SRPK1: variants seen among roughly 807,000 people sequenced by gnomAD.
SRPK1 encodes SRSF protein kinase 1.
A neutral mutation model predicts 89.5 loss-of-function variants in SRPK1; 52 were observed. The ratio of observed to expected loss-of-function variants is 0.58; its 90% CI spans 0.46 to 0.73. SRPK1 has a LOEUF of 0.73. SRPK1 is among the 30% of genes least tolerant of loss of function. SRPK1 has a pLI of 0.00. For missense variants in SRPK1, 603 were observed against 780.6 expected (o/e 0.77, Z 2.71); for synonymous variants, 255 against 270.2 (o/e 0.94, Z 0.55).
chr6:35,887,142 C>T (rs1770426565), intron 5 of SRPK1, among the ~76,000 whole-genome samples: 1 of 152,158 alleles, frequency 6.6e-6, no homozygotes, highest in Non-Finnish European at 1.5e-5. Flanking sequence ...CAGCACTAAC[C>T]ACACTGTTTT....
intron 13 of SRPK1, among the ~76,000 whole-genome samples, chr6:35,843,204 G>A (rs1474353190): frequency 3.3e-5 from 5 of 151,484 alleles, no homozygotes; most frequent in South Asian, 2.1e-4. Flanking sequence ...TCCTGACCTC[G>A]TGATCTGCCA....
At chr6:35,855,928 T>C (rs943991434) in intron 13 of SRPK1, among the ~76,000 whole-genome samples, 8 of 152,226 alleles carry the variant, frequency 5.3e-5, no homozygotes, top group African/African-American at 1.4e-4. Context: ...GGTTTCATCA[T>C]GTTGGTCAGG....
chr6:35,880,657 T>C (rs535996771), intron 6 of SRPK1, among the ~76,000 whole-genome samples: 8 of 140,460 alleles, frequency 5.7e-5, no homozygotes, highest in East Asian at 2.1e-4. Flanking sequence ...GGGAGGCAGA[T>C]TGCAGTGAGC....
At chr6:35,839,697 T>C (rs78175919) in intron 14 of SRPK1, among the ~76,000 whole-genome samples, 1 of 151,716 alleles carries the variant, frequency 6.6e-6, no homozygotes, top group African/African-American at 2.4e-5. Context: ...TTTTTTTTTT[T>C]TGAGATGGAG....
chr6:35,890,970 C>G lies in SRPK1; in HGVS notation c.118G>C (p.Asp40His), dbSNP rs960777128. 1 of 1,553,372 alleles carries G rather than the reference C, an allele frequency of 6.4e-7. No homozygotes were observed. Among genetic ancestry groups the G allele is most frequent in the African/African-American group, 1.4e-5 (1 of 73,222 alleles). Residue 40 changes from aspartate (D) to histidine (H), a missense_variant, in exon 3 of 16, where the codon GAT (aspartate) becomes CAT (histidine). Transcript: ENST00000373825. ...ATCTCCTCTTCCTGCTCTGGTAGATCACTCTCAGAGTGGGGAGCAGAGCCT... is the reference window on the plus strand; with the variant it reads ...ATCTCCTCTTCCTGCTCTGGTAGATGACTCTCAGAGTGGGGAGCAGAGCCT... ...HRGSAPHSES[D>H]LPEQEEEILG...
At chr6:35,906,246 A>G (rs1455842844) in intron 2 of SRPK1, among the ~76,000 whole-genome samples, 1 of 152,062 alleles carries the variant, frequency 6.6e-6, no homozygotes, top group Non-Finnish European at 1.5e-5. Context: ...TTTTTTTGAG[A>G]CAGAGTCTCA....
chr6:35,888,952 A>G lies in SRPK1; in HGVS notation c.194-29T>C, dbSNP rs748390003. 3.4e-6 allele frequency: 5 copies of G among 1,456,022 alleles called. No individual in the cohort carries two copies. In the Admixed American group the frequency reaches 8.4e-5, roughly 25 times the overall value. 90.2% of individuals were successfully genotyped at this position (1,456,022 alleles called of 1,614,324 possible). A position where few individuals can be genotyped will look rare whatever the true frequency, so the allele number is the denominator to read the frequency against. On this transcript the variant is annotated intron_variant, in intron 3 of 15. Transcript: ENST00000373825. ...GAAGAAACAGGGGAAATACAATCAG[A>G]AAAACCAGGATGAGAAACAATGGTA...
chr6:35,844,225 G>T (rs550973025), intron 13 of SRPK1, among the ~76,000 whole-genome samples: 2 of 151,114 alleles, frequency 1.3e-5, no homozygotes, highest in African/African-American at 4.9e-5. Flanking sequence ...GGATGGTCTC[G>T]ATCTCCTGAC....
intron 13 of SRPK1, among the ~76,000 whole-genome samples, chr6:35,852,124 A>G (rs1247236082): frequency 6.6e-6 from 1 of 152,204 alleles, no homozygotes; most frequent in South Asian, 2.1e-4. Flanking sequence ...TTAATTAACT[A>G]TAACTCCATC....
intron 12 of SRPK1, among the ~76,000 whole-genome samples, chr6:35,860,045 T>C (rs1239719611): frequency 6.6e-6 from 1 of 151,978 alleles, no homozygotes; most frequent in Non-Finnish European, 1.5e-5. Context: ...TTTGTATTTT[T>C]AGTAGAGACG....
intron 12 of SRPK1, among the ~76,000 whole-genome samples, chr6:35,865,383 A>G (rs993657470): frequency 9.2e-5 from 14 of 152,194 alleles, no homozygotes; most frequent in African/African-American, 3.4e-4. Context: ...AAAGCAATCT[A>G]CAGGTTCAAT....
rs184826005 is a variant in SRPK1, at chr6:35,846,676, T to C, written c.1621-4072A>G. Among the ~76,000 whole-genome samples the C allele has an allele frequency of 1.2e-4, 19 of 152,150 alleles. No individual in the cohort carries two copies. The East Asian group carries it at 2.1e-3, about 17-fold the overall frequency. ...CTATGCACAATCATATGGCAACAGATTGGATAACCCAGAAAAAAATGGAAA... is the reference window on the plus strand; with the variant it reads ...CTATGCACAATCATATGGCAACAGACTGGATAACCCAGAAAAAAATGGAAA... On this transcript the variant is annotated intron_variant, in intron 13 of 15. Coordinates refer to ENST00000373825, the MANE Select transcript of SRPK1 (RefSeq NM_003137.5).
At chr6:35,836,653 G>A (rs1769185044) in intron 15 of SRPK1, among the ~76,000 whole-genome samples, 1 of 151,946 alleles carries the variant, frequency 6.6e-6, no homozygotes, top group African/African-American at 2.4e-5. Flanking sequence ...TACTTGGGAG[G>A]TTGAGGCAGG....
At chr6:35,857,395 TA>T (rs781703276) in intron 12 of SRPK1, 27 bp from the exon 13 acceptor site, 30 of 1,522,702 alleles carry the variant, frequency 2.0e-5, no homozygotes, top group Non-Finnish European at 2.5e-5. Context: ...AACAATATTT[TA>T]AACTTCATTC....
chr6:35,870,494 C>G lies in SRPK1; in HGVS notation c.778G>C (p.Ala260Pro). 6.5e-7 allele frequency: 1 copy of G among 1,550,338 alleles called. No individual in the cohort carries two copies. The highest frequency in any genetic ancestry group is 8.7e-7 in the Non-Finnish European group (1 of 1,146,912). The change falls in exon 10 of 16, where the codon GCT becomes CCT. Residue 260 changes from alanine to proline, a missense_variant and splice_region_variant. Ala to Pro is a conservative substitution (Grantham distance 27). Transcript: ENST00000373825. ...AVSTAPQPKP[A>P]DKMSKNKKKK... ...TTCTTATTCTTTGACATTTTGTCAG[C>G]CTGGGCGGAGATTACAAACAGATAA...
In SRPK1 at chr6:35,883,050, G is replaced by A. The variant is rs185456156; in HGVS notation, c.478+3674C>T. On this transcript the variant is annotated intron_variant, in intron 6 of 15. Coordinates refer to ENST00000373825, the MANE Select transcript of SRPK1 (RefSeq NM_003137.5). ...TCTTGAACTCCTGACCTCGTGATCC[G>A]CCCGCTTTGGCCTCCCAAAGTGCTG... Among the ~76,000 whole-genome samples the A allele has an allele frequency of 1.7e-3, 256 of 152,252 alleles. 1 individual carries two copies. Among genetic ancestry groups the A allele is most frequent in the African/African-American group, 3.7e-3 (152 of 41,568 alleles).
chr6:35,886,474 T>C, intron 6 of SRPK1, among the ~76,000 whole-genome samples: 1 of 152,226 alleles, frequency 6.6e-6, no homozygotes, highest in East Asian at 1.9e-4. Flanking sequence ...CAACGCATTT[T>C]CTAAAAGTTT....
At chr6:35,840,628 GGATT>G (rs1418409348) in intron 14 of SRPK1, among the ~76,000 whole-genome samples, 2 of 152,152 alleles carry the variant, frequency 1.3e-5, no homozygotes, top group Admixed American at 1.3e-4. Flanking sequence ...GCTTATGATA[GGATT>G]GATATACTTG....
At chr6:35,883,346 G>A (rs938628161) in intron 6 of SRPK1, among the ~76,000 whole-genome samples, 33 of 152,038 alleles carry the variant, frequency 2.2e-4, no homozygotes, top group African/African-American at 7.5e-4. Context: ...CCGAGATTGC[G>A]CCATTGCACT....
Sources: gnomAD v4.1 joint callset for allele counts (sites outside exome capture counted in the v4.1 genomes callset) on GRCh38, gnomAD v4.1.1 for gene constraint, MANE v1.5 for transcripts, NCBI Gene and HGNC (gene_info 2026-07-23, HGNC 2026-07-21) for gene names.